The following ROBO1 variants were observed in gnomAD, a reference collection of about 807,000 sequenced individuals.
ROBO1 encodes roundabout homolog 1.
Under a neutral mutation model 195.9 loss-of-function variants are expected in ROBO1, and 149 were observed. The ratio of observed to expected loss-of-function variants is 0.76; its 90% confidence interval spans 0.67 to 0.87. The LOEUF (loss-of-function observed/expected upper bound fraction) is 0.87, where lower values mean the gene tolerates loss of function less well. ROBO1 is among the 40% of genes least tolerant of loss of function. ROBO1 has a pLI of 0.00. For missense variants in ROBO1, 1,933 were observed against 2,068.3 expected (o/e 0.93, Z 1.27); for synonymous variants, 816 against 733.2 (o/e 1.11, Z -1.82).
intron 3 of ROBO1, chr3:79,019,516 G>T (rs757299695): frequency 1.1e-5 from 11 of 985,816 alleles, no homozygotes; most frequent in Admixed American, 6.1e-5. Context: ...TCTCCTCCCC[G>T]GCCCGATAAT....
At chr3:78,845,472 A>T (rs1224918749) in intron 4 of ROBO1, among the ~76,000 whole-genome samples, 1 of 152,046 alleles carries the variant, frequency 6.6e-6, no homozygotes, top group Non-Finnish European at 1.5e-5. Context: ...CTTGTATTTT[A>T]TATGTATACA....
intron 4 of ROBO1, chr3:78,937,990 AGTGTGT>A (rs10596981): frequency 0.063 from 8,599 of 135,578 alleles, 297 homozygotes; most frequent in African/African-American, 0.097. Context: ...AGAGAGAGTG[AGTGTGT>A]GTGTGTGTGT....
chr3:79,488,740 A>G (rs899021383), intron 2 of ROBO1, among the ~76,000 whole-genome samples: 2 of 152,226 alleles, frequency 1.3e-5, no homozygotes, highest in African/African-American at 4.8e-5. Flanking sequence ...TCTAATGGAC[A>G]TACACTGCAA....
chr3:78,622,436 A>G (rs1704511508), intron 26 of ROBO1, among the ~76,000 whole-genome samples: 1 of 152,206 alleles, frequency 6.6e-6, no homozygotes, highest in East Asian at 1.9e-4. Context: ...TACCAAAAAG[A>G]TCACAGGCAA....
In ROBO1 at chr3:79,163,326, A is replaced by G. The variant is rs550866106; in HGVS notation, c.89-37787T>C. Reference sequence around the variant, plus strand: ...ATTTTTACTTAGTATAATGTTTTCAAGGTTCATCCATGTTGCAGCATGTGT... The same window carrying G: ...ATTTTTACTTAGTATAATGTTTTCAGGGTTCATCCATGTTGCAGCATGTGT... On this transcript the variant is annotated intron_variant, in intron 2 of 30. Coordinates refer to ENST00000464233, the MANE Select transcript of ROBO1 (RefSeq NM_002941.4). Among the ~76,000 whole-genome samples, 4 of 152,248 alleles carry G rather than the reference A, an allele frequency of 2.6e-5. No individual in the cohort carries two copies. The East Asian group carries it at 7.7e-4, about 29-fold the overall frequency.
intron 1 of ROBO1, among the ~76,000 whole-genome samples, chr3:79,591,583 G>A (rs1014340302): frequency 6.6e-6 from 1 of 151,772 alleles, no homozygotes; most frequent in South Asian, 2.1e-4. Flanking sequence ...CCTTACCCTA[G>A]TATATCACTC....
At chr3:79,685,473 G>A (rs534582377) in intron 1 of ROBO1, among the ~76,000 whole-genome samples, 1 of 152,272 alleles carries the variant, frequency 6.6e-6, no homozygotes, top group Admixed American at 6.5e-5. Context: ...TTGTTCCAAT[G>A]GCTATCACTG....
At chr3:78,834,827 T>C (rs2032557400) in intron 4 of ROBO1, among the ~76,000 whole-genome samples, 1 of 152,114 alleles carries the variant, frequency 6.6e-6, no homozygotes, top group East Asian at 1.9e-4. Flanking sequence ...GGATTATATT[T>C]CCATAATACT....
At chr3:78,946,064 A>G (rs1407912221) in intron 3 of ROBO1, among the ~76,000 whole-genome samples, 2 of 152,204 alleles carry the variant, frequency 1.3e-5, no homozygotes, top group Non-Finnish European at 2.9e-5. Context: ...CCTGAAAGTG[A>G]TGGGGAGAAT....
At chr3:79,294,790 G>T (rs1168547837) in intron 2 of ROBO1, among the ~76,000 whole-genome samples, 5 of 152,062 alleles carry the variant, frequency 3.3e-5, no homozygotes, top group Admixed American at 3.3e-4. Flanking sequence ...GTGGGCGAAG[G>T]ATATGAACAG....
chr3:79,627,709 A>G (rs1945220758), intron 1 of ROBO1, among the ~76,000 whole-genome samples: 1 of 152,234 alleles, frequency 6.6e-6, no homozygotes, highest in African/African-American at 2.4e-5. Context: ...CAGAGTGAAC[A>G]GGCAACCTAC....
At chr3:78,815,246 G>T (rs1477580416) in intron 4 of ROBO1, among the ~76,000 whole-genome samples, 1 of 152,112 alleles carries the variant, frequency 6.6e-6, no homozygotes, top group Non-Finnish European at 1.5e-5. Context: ...AGCTAGAAAT[G>T]ATTAAGATCA....
intron 4 of ROBO1, among the ~76,000 whole-genome samples, chr3:78,748,264 G>A (rs532836414): frequency 6.6e-6 from 1 of 152,156 alleles, no homozygotes; most frequent in Non-Finnish European, 1.5e-5. Context: ...TGACCAACAT[G>A]GAGAAACCCT....
chr3:79,764,813 A>T (rs1704897933), intron 1 of ROBO1, among the ~76,000 whole-genome samples: 1 of 152,208 alleles, frequency 6.6e-6, no homozygotes. Flanking sequence ...AGATAAAAGA[A>T]AATTATACAG....
At chr3:79,636,377 A>C (rs1945496640) in intron 1 of ROBO1, among the ~76,000 whole-genome samples, 1 of 152,148 alleles carries the variant, frequency 6.6e-6, no homozygotes, top group Non-Finnish European at 1.5e-5. Context: ...TGAAGCTGGA[A>C]AAAACTTGCA....
rs927175063 is a variant in ROBO1, at chr3:79,508,693, C to A, written c.88+81131G>T. ...AAAACAGAATGCAGGATCTGGCATCCGTTTTCTAATTATCTCTGAGAAAAA... is the reference window on the plus strand; with the variant it reads ...AAAACAGAATGCAGGATCTGGCATCAGTTTTCTAATTATCTCTGAGAAAAA... On this transcript the variant is annotated intron_variant, in intron 2 of 30. Coordinates refer to ENST00000464233, the MANE Select transcript of ROBO1 (RefSeq NM_002941.4). 4.6e-5 allele frequency among the ~76,000 whole-genome samples: 7 copies of A among 152,204 alleles called. No homozygotes were observed. In the South Asian group the frequency reaches 1.5e-3, roughly 32 times the overall value.
At chr3:79,670,487 G>T (rs181996958) in intron 1 of ROBO1, among the ~76,000 whole-genome samples, 1 of 151,768 alleles carries the variant, frequency 6.6e-6, no homozygotes. Context: ...TCAAAATGGC[G>T]TATCAACTCA....
At chr3:79,512,073 CTTAAT>C (rs1485017439) in intron 2 of ROBO1, among the ~76,000 whole-genome samples, 5 of 143,224 alleles carry the variant, frequency 3.5e-5, no homozygotes, top group African/African-American at 5.5e-5. Context: ...TACCCCTGAA[CTTAAT>C]TTAATAAAAA....
chr3:78,862,315 A>T (rs2034901899), intron 4 of ROBO1, among the ~76,000 whole-genome samples: 7 of 152,164 alleles, frequency 4.6e-5, no homozygotes, highest in Non-Finnish European at 1.0e-4. Context: ...AGAGAAAAAA[A>T]ATAGGAAACT....
Sources: gnomAD v4.1 joint callset for allele counts (sites outside exome capture counted in the v4.1 genomes callset) on GRCh38, gnomAD v4.1.1 for gene constraint, MANE v1.5 for transcripts, NCBI Gene and HGNC (gene_info 2026-07-23, HGNC 2026-07-21) for gene names.